Variants in NRXN3 observed in about 807,000 individuals in gnomAD.
The protein encoded by NRXN3 is neurexin 3.
In NRXN3, 32 loss-of-function variants were observed where a neutral mutation model predicts 137.6. The observed-to-expected ratio is 0.23, with a 90% confidence interval of 0.18 to 0.31. The LOEUF is 0.31. Ranked by LOEUF, NRXN3 falls within the 10% of genes least tolerant of loss-of-function variation. NRXN3 has a pLI of 1.00. For synonymous variants in NRXN3, 798 were observed against 784.5 expected (o/e 1.02, Z -0.29); for missense variants, 1,574 against 2,062.5 (o/e 0.76, Z 4.59).
At chr14:78,420,601 G>A (rs1421112173) in intron 4 of NRXN3, among the ~76,000 whole-genome samples, 1 of 152,098 alleles carries the variant, frequency 6.6e-6, no homozygotes, top group Admixed American at 6.5e-5. Context: ...AGAATATATA[G>A]GCAAAAGAAG....
chr14:79,674,451 A>G (rs971590), intron 17 of NRXN3, among the ~76,000 whole-genome samples: 52,612 of 151,794 alleles, frequency 0.35, 10,245 homozygotes, highest in African/African-American at 0.53. Context: ...AATCTCCCTC[A>G]TTTACAGATG....
At chr14:79,435,929 T>C (rs1358380843) in intron 15 of NRXN3, among the ~76,000 whole-genome samples, 1 of 152,072 alleles carries the variant, frequency 6.6e-6, no homozygotes, top group Non-Finnish European at 1.5e-5. Context: ...CCACCACACT[T>C]GGCAAATATT....
In NRXN3 at chr14:79,530,934, T is replaced by G. The variant is rs534376823; in HGVS notation, c.3444+63532T>G. Among the ~76,000 whole-genome samples the G allele has an allele frequency of 2.6e-5, 4 of 152,302 alleles. No individual in the cohort carries two copies. The South Asian group carries it at 8.3e-4, about 32-fold the overall frequency. ...TCTTGAAATGACTTGTCCTTAGAAT[T>G]TATTGTTTATCTCACGGAAACATGA... On this transcript the variant is annotated intron_variant, in intron 16 of 20. Coordinates refer to ENST00000335750, the MANE Select transcript of NRXN3 (RefSeq NM_001330195.2).
At chr14:78,740,408 C>G (rs1213050295) in intron 8 of NRXN3, among the ~76,000 whole-genome samples, 1 of 151,188 alleles carries the variant, frequency 6.6e-6, no homozygotes, top group Non-Finnish European at 1.5e-5. Flanking sequence ...CACAGTATTT[C>G]TCAACCTACT....
At chr14:79,127,702 A>G (rs10139227) in intron 15 of NRXN3, among the ~76,000 whole-genome samples, 6,644 of 152,136 alleles carry the variant, frequency 0.044, 535 homozygotes, top group African/African-American at 0.15. Context: ...GTTTTTTCCA[A>G]TTCTGTGAAG....
At chr14:79,713,968 G>C (rs1221858463) in intron 19 of NRXN3, among the ~76,000 whole-genome samples, 1 of 151,914 alleles carries the variant, frequency 6.6e-6, no homozygotes, top group Non-Finnish European at 1.5e-5. Flanking sequence ...ATGTCACTGG[G>C]TTCCATCCTA....
chr14:78,687,657 T>G (rs1042804943), intron 6 of NRXN3, among the ~76,000 whole-genome samples: 4 of 152,222 alleles, frequency 2.6e-5, no homozygotes, highest in African/African-American at 9.6e-5. Flanking sequence ...TTTATTATTG[T>G]TCTTACTCTA....
At chr14:78,843,793 T>C (rs2099019277) in intron 10 of NRXN3, among the ~76,000 whole-genome samples, 1 of 152,114 alleles carries the variant, frequency 6.6e-6, no homozygotes, top group South Asian at 2.1e-4. Context: ...CAGTAATTCA[T>C]ATATAGGCTG....
chr14:78,837,080 T>C (rs2098999179), intron 10 of NRXN3, among the ~76,000 whole-genome samples: 1 of 152,158 alleles, frequency 6.6e-6, no homozygotes, highest in African/African-American at 2.4e-5. Context: ...GCCTGGGAGT[T>C]GGGCGGAGAT....
At chr14:78,435,935 G>A (rs2094049636) in intron 4 of NRXN3, among the ~76,000 whole-genome samples, 1 of 152,184 alleles carries the variant, frequency 6.6e-6, no homozygotes, top group Non-Finnish European at 1.5e-5. Flanking sequence ...AAGGAGAATT[G>A]CAAATCTTAG....
chr14:78,901,197 T>C (rs944177461), intron 10 of NRXN3, among the ~76,000 whole-genome samples: 1 of 151,980 alleles, frequency 6.6e-6, no homozygotes, highest in Non-Finnish European at 1.5e-5. Flanking sequence ...GGGATTTGTA[T>C]CTAATTTTCT....
chr14:78,939,819 T>G (rs2099349569), intron 10 of NRXN3, among the ~76,000 whole-genome samples: 1 of 152,252 alleles, frequency 6.6e-6, no homozygotes. Flanking sequence ...TTCATCCTTT[T>G]TATCTTTGTT....
intron 19 of NRXN3, among the ~76,000 whole-genome samples, chr14:79,745,212 T>C (rs985326208): frequency 1.3e-5 from 2 of 152,128 alleles, no homozygotes; most frequent in Admixed American, 1.3e-4. Context: ...GATTCTTCTC[T>C]CTGCCATCCT....
intron 15 of NRXN3, among the ~76,000 whole-genome samples, chr14:79,316,331 G>C (rs1031631322): frequency 6.6e-5 from 10 of 152,140 alleles, no homozygotes; most frequent in African/African-American, 2.4e-4. Flanking sequence ...TTCTCTTATA[G>C]GTCTCAGCTG....
chr14:78,599,141 CT>C (rs1486433302), intron 4 of NRXN3, among the ~76,000 whole-genome samples: 2 of 152,224 alleles, frequency 1.3e-5, no homozygotes, highest in African/African-American at 4.8e-5. Context: ...TTCTTTTACC[CT>C]TTGGGACAAG....
chr14:79,488,031 A>G (rs912256681), intron 16 of NRXN3, among the ~76,000 whole-genome samples: 16 of 152,078 alleles, frequency 1.1e-4, no homozygotes, highest in Non-Finnish European at 1.9e-4. Context: ...ATAATTAGAG[A>G]TACTTCACTG....
Position 78,601,966 on chromosome 14 carries a change from G to T in NRXN3, c.758-43154G>T, listed in dbSNP as rs184801444. On this transcript the variant is annotated intron_variant, in intron 4 of 20. Coordinates refer to ENST00000335750, the MANE Select transcript of NRXN3 (RefSeq NM_001330195.2). ...CTTGGAAAGTCTGGTCATTTCTAAG[G>T]TTAGGAAAATGCTATCAGTCACTTT... Among the ~76,000 whole-genome samples the T allele has an allele frequency of 5.5e-3, 845 of 152,274 alleles. 2 individuals are homozygous for T. The highest frequency in any genetic ancestry group is 9.7e-3 in the South Asian group (47 of 4,824).
intron 19 of NRXN3, among the ~76,000 whole-genome samples, chr14:79,737,734 T>G (rs74064008): frequency 4.6e-5 from 7 of 151,996 alleles, no homozygotes; most frequent in African/African-American, 1.7e-4. Flanking sequence ...TTCTTTCTTT[T>G]TTTTTTTTAA....
intron 15 of NRXN3, among the ~76,000 whole-genome samples, chr14:79,173,841 T>C (rs889235607): frequency 6.6e-6 from 1 of 152,168 alleles, no homozygotes; most frequent in Non-Finnish European, 1.5e-5. Flanking sequence ...TCACTTCATG[T>C]TCACTGAATG....
Sources: gnomAD v4.1 joint callset for allele counts (sites outside exome capture counted in the v4.1 genomes callset) on GRCh38, gnomAD v4.1.1 for gene constraint, MANE v1.5 for transcripts, NCBI Gene and HGNC (gene_info 2026-07-23, HGNC 2026-07-21) for gene names.